TSHZ2: variants seen among roughly 807,000 people sequenced by gnomAD.
TSHZ2 encodes the protein teashirt zinc finger homeobox 2.
Under a neutral mutation model 74.4 loss-of-function variants are expected in TSHZ2, and 21 were observed. The ratio of observed to expected loss-of-function variants is 0.28; its 90% CI spans 0.20 to 0.41. The LOEUF (loss-of-function observed/expected upper bound fraction) is 0.41, where lower values mean the gene tolerates loss of function less well. TSHZ2 is among the 10% of genes least tolerant of loss of function. TSHZ2 has a pLI of 1.00. For synonymous variants in TSHZ2, 540 were observed against 515.3 expected, an observed-to-expected ratio of 1.05 and a Z score of -0.65; for missense variants, 1,244 against 1,293.5, an observed-to-expected ratio of 0.96 and a Z score of 0.59.
intron 2 of TSHZ2, among the ~76,000 whole-genome samples, chr20:53,326,695 ATAT>A (rs1426187032): frequency 4.6e-5 from 7 of 152,218 alleles, no homozygotes; most frequent in Non-Finnish European, 1.5e-5. Context: ...GGAGGAGGAA[ATAT>A]TATTAGTAAG....
intron 2 of TSHZ2, among the ~76,000 whole-genome samples, chr20:53,268,909 T>C (rs921620143): frequency 2.0e-5 from 3 of 152,206 alleles, no homozygotes; most frequent in African/African-American, 7.2e-5. Flanking sequence ...CCACTTACTG[T>C]TGGAGCCGGG....
intron 1 of TSHZ2, among the ~76,000 whole-genome samples, chr20:53,022,099 A>C (rs765720295): frequency 2.0e-5 from 3 of 152,198 alleles, no homozygotes; most frequent in Non-Finnish European, 4.4e-5. Flanking sequence ...ACTCTAAGTG[A>C]CTGCAAAATG....
chr20:53,234,416 T>C (rs951544222), intron 1 of TSHZ2, among the ~76,000 whole-genome samples: 1 of 152,176 alleles, frequency 6.6e-6, no homozygotes, highest in Non-Finnish European at 1.5e-5. Flanking sequence ...GAGACAAAGA[T>C]ACCGGTTCTT....
chr20:53,164,543 T>C lies in TSHZ2; in HGVS notation c.41-88956T>C, dbSNP rs115318062. Among the ~76,000 whole-genome samples, 626 of 152,312 alleles carry C rather than the reference T, an allele frequency of 4.1e-3. 6 individuals carry two copies. The highest frequency in any genetic ancestry group is 0.014 in the African/African-American group (602 of 41,570). ...TCTGTGATGATGGAAATACCCTCTA[T>C]CTGTATGTCTACACTAGTAGCACTA... On this transcript the variant is annotated intron_variant, in intron 1 of 2. Transcript: ENST00000371497.
chr20:53,218,826 T>C (rs2107332), intron 1 of TSHZ2, among the ~76,000 whole-genome samples: 11,981 of 152,280 alleles, frequency 0.079, 559 homozygotes, highest in Middle Eastern at 0.16. Flanking sequence ...AAAATATTCA[T>C]ATTTATTGAA....
At chr20:53,352,956 T>TTA (rs1017819642) in intron 2 of TSHZ2, among the ~76,000 whole-genome samples, 7 of 152,260 alleles carry the variant, frequency 4.6e-5, no homozygotes, top group Admixed American at 6.5e-5. Flanking sequence ...ATCCTTCTGC[T>TTA]TATATATATT....
chr20:53,486,033 C>G (rs1487396180), intron 2 of TSHZ2, among the ~76,000 whole-genome samples: 3 of 152,126 alleles, frequency 2.0e-5, no homozygotes, highest in Non-Finnish European at 4.4e-5. Flanking sequence ...TCTGAGTGAA[C>G]AAGAATTCTT....
intron 1 of TSHZ2, among the ~76,000 whole-genome samples, chr20:53,117,821 T>C (rs529840324): frequency 6.6e-6 from 1 of 152,240 alleles, no homozygotes; most frequent in African/African-American, 2.4e-5. Context: ...TCCCATCTTT[T>C]GGCCAAGCAG....
chr20:53,231,985 A>G (rs995019687), intron 1 of TSHZ2, among the ~76,000 whole-genome samples: 1 of 152,170 alleles, frequency 6.6e-6, no homozygotes, highest in Non-Finnish European at 1.5e-5. Context: ...CCTGGGCTCA[A>G]GCCATCCTCC....
chr20:53,126,945 G>A (rs1040583687), intron 1 of TSHZ2, among the ~76,000 whole-genome samples: 12 of 152,114 alleles, frequency 7.9e-5, no homozygotes, highest in African/African-American at 2.2e-4. Context: ...TGTTCTGTCC[G>A]TTCCATGAAT....
At chr20:53,242,905 G>A (rs1014964035) in intron 1 of TSHZ2, among the ~76,000 whole-genome samples, 65 of 152,250 alleles carry the variant, frequency 4.3e-4, no homozygotes, top group African/African-American at 1.5e-3. Context: ...GGATACAGTG[G>A]TAAACAAGAT....
intron 2 of TSHZ2, among the ~76,000 whole-genome samples, chr20:53,369,384 T>C (rs544482199): frequency 6.6e-6 from 1 of 151,982 alleles, no homozygotes; most frequent in Non-Finnish European, 1.5e-5. Flanking sequence ...TGGGGAAGAA[T>C]GTTACAGGGA....
chr20:53,131,008 A>T (rs1414009200), intron 1 of TSHZ2, among the ~76,000 whole-genome samples: 1 of 152,262 alleles, frequency 6.6e-6, no homozygotes, highest in Non-Finnish European at 1.5e-5. Flanking sequence ...GATACATAAA[A>T]TGGTGACTAA....
chr20:53,204,252 T>C (rs375441690), intron 1 of TSHZ2, among the ~76,000 whole-genome samples: 16 of 112,706 alleles, frequency 1.4e-4, no homozygotes, highest in East Asian at 3.0e-4. Flanking sequence ...TATATCATCA[T>C]ATGATGATAT....
At chr20:53,163,535 G>A (rs879462913) in intron 1 of TSHZ2, among the ~76,000 whole-genome samples, 88 of 151,528 alleles carry the variant, frequency 5.8e-4, no homozygotes, top group Non-Finnish European at 1.2e-3. Context: ...CATGTGCCAT[G>A]CTGGTGCGCT....
intron 2 of TSHZ2, among the ~76,000 whole-genome samples, chr20:53,329,624 G>C (rs747695211): frequency 6.9e-6 from 1 of 145,412 alleles, no homozygotes; most frequent in Non-Finnish European, 1.5e-5. Context: ...TGGGCCTTGC[G>C]TCTAGACTAA....
intron 1 of TSHZ2, among the ~76,000 whole-genome samples, chr20:53,147,787 G>T (rs896331534): frequency 6.6e-6 from 1 of 152,158 alleles, no homozygotes; most frequent in Non-Finnish European, 1.5e-5. Flanking sequence ...TGCCATCTCT[G>T]CTCACTGCAA....
intron 1 of TSHZ2, among the ~76,000 whole-genome samples, chr20:53,015,987 A>T (rs1983027366): frequency 6.6e-6 from 1 of 152,220 alleles, no homozygotes; most frequent in African/African-American, 2.4e-5. Flanking sequence ...ATAAATAATC[A>T]TGCCCTGCCT....
intron 1 of TSHZ2, among the ~76,000 whole-genome samples, chr20:53,052,672 A>C (rs371673815): frequency 6.6e-6 from 1 of 152,222 alleles, no homozygotes; most frequent in Non-Finnish European, 1.5e-5. Flanking sequence ...TGCATATACT[A>C]CATTTCGTTT....
Sources: gnomAD v4.1 joint callset for allele counts (sites outside exome capture counted in the v4.1 genomes callset) on GRCh38, gnomAD v4.1.1 for gene constraint, MANE v1.5 for transcripts, NCBI Gene and HGNC (gene_info 2026-07-23, HGNC 2026-07-21) for gene names.